The following SLAIN1 variants were observed in gnomAD, a reference collection of about 807,000 sequenced individuals.
The protein encoded by SLAIN1 is SLAIN motif-containing protein 1.
In SLAIN1, 17 loss-of-function variants were observed where a neutral mutation model predicts 55.4. The ratio of observed to expected loss-of-function variants is 0.31; its 90% CI spans 0.21 to 0.46. The LOEUF (loss-of-function observed/expected upper bound fraction) is 0.46. Among genes scored for constraint, SLAIN1 ranks in the 20% least tolerant of loss-of-function variants. The pLI is 1.00. For synonymous variants in SLAIN1, 348 were observed against 337.4 expected (o/e 1.03, Z -0.35); for missense variants, 682 against 785.1 (o/e 0.87, Z 1.57).
At chr13:77,720,497 G>A (rs894707846) in intron 2 of SLAIN1, among the ~76,000 whole-genome samples, 3 of 152,156 alleles carry the variant, frequency 2.0e-5, no homozygotes, top group African/African-American at 7.2e-5. Context: ...ATTTGAGAAC[G>A]CTGCCCATGA....
At chr13:77,753,179 T>C in intron 4 of SLAIN1, 24 bp from the exon 5 acceptor site, 1 of 1,566,158 alleles carries the variant, frequency 6.4e-7, no homozygotes, top group Non-Finnish European at 8.6e-7. Flanking sequence ...CTGTCATTTT[T>C]AACTTAGTAA....
chr13:77,698,656 G>T lies in SLAIN1; in HGVS notation c.626+117G>T. ...CGCGGCAGCCGGGGTGACTCCCCGC[G>T]GCTCCCGGAGGGGCCGACCCAGCAG... On this transcript the variant is annotated intron_variant, in intron 1 of 6. Coordinates refer to ENST00000418532, the MANE Select transcript of SLAIN1 (RefSeq NM_001242868.2). The surrounding 1 kb of genome is among the most constrained non-coding windows in gnomAD (Gnocchi z 4.1). 7.8e-7 allele frequency: 1 copy of T among 1,286,254 alleles called. No individual in the cohort carries two copies. The highest frequency in any genetic ancestry group is 9.9e-7 in the Non-Finnish European group (1 of 1,012,070). 79.7% of individuals were successfully genotyped at this position (1,286,254 alleles called of 1,614,324 possible). A position where few individuals can be genotyped will look rare whatever the true frequency, so the allele number is the denominator to read the frequency against.
intron 1 of SLAIN1, among the ~76,000 whole-genome samples, chr13:77,704,053 ATG>A (rs1370486081): frequency 6.1e-4 from 44 of 72,232 alleles, no homozygotes; most frequent in Non-Finnish European, 6.9e-4. Context: ...CATGTTTTAT[ATG>A]TATATATATA....
rs1291874916 is a variant in SLAIN1, at chr13:77,744,289, C to A, written c.773C>A (p.Thr258Asn). Reference protein sequence around the residue: ...SLCFRLEQGYTSRGSPLSPQS... With the variant: ...SLCFRLEQGYNSRGSPLSPQS... ...CTTTTCCTTTGTGTTTCAGGTTACA[C>A]TTCCAGGGGCTCCCCACTCAGTCCC... The change falls in exon 3 of 7, where the codon ACT (threonine) becomes AAT (asparagine). Residue 258 changes from threonine (T) to asparagine (N), a missense_variant. Thr to Asn is a moderately conservative substitution (Grantham distance 65). Coordinates refer to ENST00000418532, the MANE Select transcript of SLAIN1 (RefSeq NM_001242868.2). The A allele has an allele frequency of 1.2e-6, 2 of 1,612,132 alleles. No individual in the cohort carries two copies. Among genetic ancestry groups the A allele is most frequent in the Non-Finnish European group, 1.7e-6 (2 of 1,178,628 alleles).
intron 1 of SLAIN1, among the ~76,000 whole-genome samples, chr13:77,718,531 A>T (rs1006202250): frequency 6.6e-6 from 1 of 152,172 alleles, no homozygotes; most frequent in African/African-American, 2.4e-5. Flanking sequence ...ATCTTGTATA[A>T]CTGATAAATT....
At chr13:77,737,869 G>A (rs549769268) in intron 2 of SLAIN1, among the ~76,000 whole-genome samples, 182 of 152,166 alleles carry the variant, frequency 1.2e-3, no homozygotes, top group African/African-American at 4.1e-3. Context: ...GTGGGAAGGA[G>A]AGGAGAACAG....
intron 5 of SLAIN1, among the ~76,000 whole-genome samples, chr13:77,757,609 C>T (rs1328493275): frequency 6.6e-6 from 1 of 152,062 alleles, no homozygotes; most frequent in Non-Finnish European, 1.5e-5. Context: ...CACAAGTCCC[C>T]AGAGTCCATT....
chr13:77,742,887 AG>A (rs1873542865), intron 2 of SLAIN1: 1 of 331,044 alleles, frequency 3.0e-6, no homozygotes, highest in Non-Finnish European at 4.8e-6. Context: ...AGTGGAAGTC[AG>A]TTAAGATAGT....
intron 1 of SLAIN1, among the ~76,000 whole-genome samples, chr13:77,712,512 GA>G (rs1268950991): frequency 2.0e-5 from 3 of 152,134 alleles, no homozygotes; most frequent in Non-Finnish European, 4.4e-5. Context: ...CAAGAAATGT[GA>G]AGGACGTTTT....
chr13:77,720,421 T>A (rs1188481818), intron 2 of SLAIN1, among the ~76,000 whole-genome samples: 1 of 152,108 alleles, frequency 6.6e-6, no homozygotes, highest in Non-Finnish European at 1.5e-5. Context: ...AATGATACTG[T>A]TTGAGGGTAG....
At chr13:77,736,363 T>C (rs1873119225) in intron 2 of SLAIN1, among the ~76,000 whole-genome samples, 1 of 152,076 alleles carries the variant, frequency 6.6e-6, no homozygotes, top group African/African-American at 2.4e-5. Flanking sequence ...TCCAAGGCTG[T>C]TCCCCCTAGC....
chr13:77,698,237 CGGCAGCGGTAGTGGCAGCGGCGGT>C lies in SLAIN1; in HGVS notation c.328_351del (p.Gly111_Ser118del), dbSNP rs1820501864. 1.5e-6 allele frequency: 2 copies of C among 1,357,280 alleles called. No homozygotes were observed. The highest frequency in any genetic ancestry group is 1.9e-6 in the Non-Finnish European group (2 of 1,050,402). 84.1% of individuals were successfully genotyped at this position (1,357,280 alleles called of 1,614,324 possible). ...TGGCGCTGGGCGCGGGGGGCGGTGG[CGGCAGCGGTAGTGGCAGCGGCGGT>C]GGCTCCAGCCCCGCGTTCCCGGGCA... On this transcript the variant is annotated inframe_deletion, in exon 1 of 7. Coordinates refer to ENST00000418532, the MANE Select transcript of SLAIN1 (RefSeq NM_001242868.2). This position sits in a 1 kb window ranked among gnomAD's most constrained non-coding sequence, Gnocchi z 4.1.
At chr13:77,743,020 C>A in intron 2 of SLAIN1, 1 of 1,289,382 alleles carries the variant, frequency 7.8e-7, no homozygotes, top group Non-Finnish European at 1.0e-6. Context: ...TGACAGCTAG[C>A]CGATGGCGGA....
At chr13:77,719,202 G>A (rs191714085) in intron 1 of SLAIN1, among the ~76,000 whole-genome samples, 5 of 150,548 alleles carry the variant, frequency 3.3e-5, no homozygotes, top group African/African-American at 1.2e-4. Context: ...TTCATTTCTT[G>A]ACATGTCAAT....
chr13:77,724,720 A>G (rs1409925854), intron 2 of SLAIN1, among the ~76,000 whole-genome samples: 2 of 151,812 alleles, frequency 1.3e-5, no homozygotes, highest in South Asian at 2.1e-4. Context: ...TTTGGTTTCA[A>G]TAATTCTCTA....
rs761801119 is a variant in SLAIN1, at chr13:77,719,682, G to C, written c.766+11G>C. The stretch of plus-strand genomic sequence containing the variant: ...TTAGACTGGAGCAAGGTAATTGTGA[G>C]TGTGTGCATTTACATTCTCCAACTC... On this transcript the variant is annotated intron_variant, in intron 2 of 6. Transcript: ENST00000418532. 5 of 1,611,932 alleles carry C rather than the reference G, an allele frequency of 3.1e-6. No individual in the cohort carries two copies. In the Admixed American group the frequency reaches 8.4e-5, roughly 27 times the overall value.
In SLAIN1 at chr13:77,698,425, C is replaced by A; in HGVS notation, c.512C>A (p.Thr171Lys). ...GGGPEPGGAG[T>K]PPGAAAAPPS... ...GGGCCGGAGCCGGGGGGCGCGGGGA[C>A]GCCGCCAGGGGCAGCTGCAGCGCCG... is the stretch of plus-strand genomic sequence containing the variant. The change falls in exon 1 of 7, where the codon ACG becomes AAG. Residue 171 changes from threonine (T) to lysine (K), a missense_variant. By Grantham distance (78) the Thr-to-Lys change is moderately conservative. Coordinates refer to ENST00000418532, the MANE Select transcript of SLAIN1 (RefSeq NM_001242868.2). The surrounding 1 kb of genome is among the most constrained non-coding windows in gnomAD (Gnocchi z 4.1). The A allele has an allele frequency of 7.2e-7, 1 of 1,395,166 alleles. No homozygotes were observed. The highest frequency in any genetic ancestry group is 9.3e-7 in the Non-Finnish European group (1 of 1,080,302). The allele number at this position is 1,395,166 out of a possible 1,614,324, so 86.4% of individuals were successfully genotyped here. A position where few individuals can be genotyped will look rare whatever the true frequency, so the allele number is the denominator to read the frequency against.
chr13:77,730,761 C>T (rs1872818733), intron 2 of SLAIN1, among the ~76,000 whole-genome samples: 1 of 152,006 alleles, frequency 6.6e-6, no homozygotes, highest in Non-Finnish European at 1.5e-5. Context: ...TCGGGTGTGT[C>T]CTGTACTTGT....
intron 5 of SLAIN1, among the ~76,000 whole-genome samples, chr13:77,755,105 A>G (rs1372366530): frequency 6.6e-6 from 1 of 152,154 alleles, no homozygotes; most frequent in African/African-American, 2.4e-5. Context: ...TCTGAATTAC[A>G]AAAATCAGTA....
Sources: allele counts gnomAD v4.1 joint callset (sites outside exome capture counted in the v4.1 genomes callset), GRCh38; gene constraint gnomAD v4.1.1; non-coding constraint Gnocchi (gnomAD v3.1); transcripts MANE v1.5; gene names NCBI Gene and HGNC (gene_info 2026-07-23, HGNC 2026-07-21).